The following EYA2 variants were observed in gnomAD, a reference collection of about 807,000 sequenced individuals.
EYA2 encodes protein phosphatase EYA2.
A neutral mutation model predicts 69.2 loss-of-function variants in EYA2; 31 were observed. That is an observed-to-expected ratio of 0.45 (90% confidence interval 0.34 to 0.60). EYA2 has a LOEUF of 0.60. Ranked by LOEUF, EYA2 falls within the 20% of genes least tolerant of loss-of-function variation. The pLI is 0.02. For synonymous variants in EYA2, 257 were observed against 279.4 expected, an observed-to-expected ratio of 0.92 and a Z score of 0.80; for missense variants, 622 against 701.2, an observed-to-expected ratio of 0.89 and a Z score of 1.28.
chr20:47,149,457 C>A (rs533231533), intron 10 of EYA2, among the ~76,000 whole-genome samples: 1 of 152,108 alleles, frequency 6.6e-6, no homozygotes, highest in African/African-American at 2.4e-5. Flanking sequence ...CGGCCCCCAT[C>A]CTCTTGGTTA....
intron 9 of EYA2, among the ~76,000 whole-genome samples, chr20:47,109,076 C>G (rs2032675685): frequency 1.3e-5 from 2 of 152,050 alleles, no homozygotes; most frequent in Non-Finnish European, 2.9e-5. Context: ...AGACCAGCCA[C>G]AGATAAAGAA....
intron 10 of EYA2, among the ~76,000 whole-genome samples, chr20:47,148,977 T>C (rs1168478014): frequency 6.6e-6 from 1 of 151,964 alleles, no homozygotes; most frequent in Non-Finnish European, 1.5e-5. Flanking sequence ...GAGGAGATAC[T>C]GTTCAGCCCT....
intron 5 of EYA2, among the ~76,000 whole-genome samples, chr20:47,033,087 A>AC (rs1984509744): frequency 6.6e-6 from 1 of 152,074 alleles, no homozygotes; most frequent in Non-Finnish European, 1.5e-5. Context: ...AGATTGTGCA[A>AC]CCCCCAAGAC....
chr20:47,049,860 A>AC (rs57648069), intron 5 of EYA2, among the ~76,000 whole-genome samples: 19,134 of 125,848 alleles, frequency 0.15, 1,638 homozygotes, highest in African/African-American at 0.28. Flanking sequence ...TCTGTGACAG[A>AC]CCCCCCCCCC....
chr20:47,187,171 C>T (rs1032002664), intron 15 of EYA2, among the ~76,000 whole-genome samples: 1 of 152,000 alleles, frequency 6.6e-6, no homozygotes, highest in Non-Finnish European at 1.5e-5. Flanking sequence ...TAGTTTGAGA[C>T]CAGCCTGGTC....
At chr20:46,941,465 A>T (rs1209990772) in intron 1 of EYA2, among the ~76,000 whole-genome samples, 1 of 152,230 alleles carries the variant, frequency 6.6e-6, no homozygotes, top group East Asian at 1.9e-4. Flanking sequence ...AAGGGGCATG[A>T]TATCCATCTG....
At chr20:47,093,292 T>G (rs1600703899) in intron 8 of EYA2, among the ~76,000 whole-genome samples, 2 of 152,222 alleles carry the variant, frequency 1.3e-5, no homozygotes, top group South Asian at 4.1e-4. Context: ...CTCTGGAGAC[T>G]ACCTGTCAGA....
At chr20:46,933,763 T>G (rs748597983) in intron 1 of EYA2, among the ~76,000 whole-genome samples, 3 of 152,230 alleles carry the variant, frequency 2.0e-5, no homozygotes, top group Non-Finnish European at 4.4e-5. Context: ...AAGATTTGGG[T>G]TGGACTGTGC....
At chr20:46,940,916 T>A (rs1986129122) in intron 1 of EYA2, among the ~76,000 whole-genome samples, 1 of 152,212 alleles carries the variant, frequency 6.6e-6, no homozygotes, top group Non-Finnish European at 1.5e-5. Flanking sequence ...AAGGTTTGCC[T>A]GCCGGGCCCC....
At chr20:47,114,121 G>A (rs2032827734) in intron 9 of EYA2, among the ~76,000 whole-genome samples, 1 of 152,170 alleles carries the variant, frequency 6.6e-6, no homozygotes, top group African/African-American at 2.4e-5. Flanking sequence ...GACACCTGTT[G>A]GTGTGATGGC....
chr20:47,086,444 A>G (rs1259371217), intron 7 of EYA2, among the ~76,000 whole-genome samples: 1 of 152,218 alleles, frequency 6.6e-6, no homozygotes, highest in East Asian at 1.9e-4. Flanking sequence ...GCATCTGCTC[A>G]GCTTCTGGGA....
intron 9 of EYA2, among the ~76,000 whole-genome samples, chr20:47,100,780 A>G (rs1301681489): frequency 6.6e-6 from 1 of 152,240 alleles, no homozygotes; most frequent in Admixed American, 6.5e-5. Flanking sequence ...GAGTATTATC[A>G]TTTGCTAAAT....
chr20:46,975,090 G>A (rs1980379973), intron 1 of EYA2, among the ~76,000 whole-genome samples: 1 of 152,202 alleles, frequency 6.6e-6, no homozygotes, highest in East Asian at 1.9e-4. Context: ...AAGGGTTTTG[G>A]GTCGGGTGGG....
chr20:47,036,816 C>T (rs1213299787), intron 5 of EYA2, among the ~76,000 whole-genome samples: 2 of 152,122 alleles, frequency 1.3e-5, no homozygotes, highest in Non-Finnish European at 2.9e-5. Context: ...GAACTCAGAT[C>T]GCCTAAATTC....
chr20:47,004,321 A>G (rs943007074), intron 3 of EYA2, among the ~76,000 whole-genome samples: 2 of 152,220 alleles, frequency 1.3e-5, no homozygotes, highest in Non-Finnish European at 2.9e-5. Flanking sequence ...ATCTTGCATC[A>G]TGTCCCCACC....
intron 10 of EYA2, among the ~76,000 whole-genome samples, chr20:47,156,534 T>TG (rs933546432): frequency 2.0e-5 from 3 of 151,776 alleles, no homozygotes; most frequent in African/African-American, 7.2e-5. Context: ...AGGGCAGCCA[T>TG]GGCTGCTTGC....
chr20:47,089,437 A>G lies in EYA2; in HGVS notation c.804+56A>G, dbSNP rs905433697. On this transcript the variant is annotated intron_variant, in intron 8 of 15. Transcript: ENST00000327619. ...GAATGTAATCTCCATCTGAGGCCCAAACAAGAGTGGGGACAGAGTTTTCTC... is the reference window on the plus strand; with the variant it reads ...GAATGTAATCTCCATCTGAGGCCCAGACAAGAGTGGGGACAGAGTTTTCTC... 3.2e-6 allele frequency: 5 copies of G among 1,554,162 alleles called. No homozygotes were observed. In the South Asian group the frequency reaches 4.7e-5, roughly 15 times the overall value.
Position 46,935,954 on chromosome 20 carries a change from T to C in EYA2, c.-11+40967T>C, listed in dbSNP as rs940185483. On this transcript the variant is annotated intron_variant, in intron 1 of 15. Coordinates refer to ENST00000327619, the MANE Select transcript of EYA2 (RefSeq NM_005244.5). ...AAAATACTCCAAAATCTGAAACTTT[T>C]TGAGTGCTGACATGCGGCTCAAGGG... Among the ~76,000 whole-genome samples the C allele has an allele frequency of 1.1e-4, 16 of 152,286 alleles. No individual in the cohort carries two copies. In the East Asian group the frequency reaches 2.9e-3, roughly 28 times the overall value.
At chr20:47,069,209 A>G (rs111603534) in intron 5 of EYA2, among the ~76,000 whole-genome samples, 1 of 152,334 alleles carries the variant, frequency 6.6e-6, no homozygotes, top group African/African-American at 2.4e-5. Flanking sequence ...AAAACTCACC[A>G]TAGGCCGGGC....
Sources: gnomAD v4.1 joint callset for allele counts (sites outside exome capture counted in the v4.1 genomes callset) on GRCh38, gnomAD v4.1.1 for gene constraint, MANE v1.5 for transcripts, NCBI Gene and HGNC (gene_info 2026-07-23, HGNC 2026-07-21) for gene names.